Variants in FAM171B observed in about 807,000 individuals in gnomAD.
The protein encoded by FAM171B is family with sequence similarity 171 member B.
A neutral mutation model predicts 75.6 loss-of-function variants in FAM171B; 19 were observed. The observed-to-expected ratio is 0.25, with a 90% confidence interval of 0.18 to 0.37. FAM171B has a LOEUF of 0.37. Ranked by LOEUF, FAM171B falls within the 10% of genes least tolerant of loss-of-function variation. The pLI is 1.00. For missense variants in FAM171B, 848 were observed against 982.4 expected (o/e 0.86, Z 1.83); for synonymous variants, 367 against 361.7 (o/e 1.01, Z -0.17).
At chr2:186,735,823 G>A (rs1167545231) in intron 1 of FAM171B, among the ~76,000 whole-genome samples, 4 of 152,024 alleles carry the variant, frequency 2.6e-5, no homozygotes, top group Non-Finnish European at 4.4e-5. Flanking sequence ...ACTATTAATG[G>A]GCTGAATTTA....
At chr2:186,720,722 G>GAAAAC (rs1229097416) in intron 1 of FAM171B, among the ~76,000 whole-genome samples, 6 of 128,938 alleles carry the variant, frequency 4.7e-5, no homozygotes, top group African/African-American at 1.7e-4. Flanking sequence ...AAAAAGAAAA[G>GAAAAC]AAAACAAAAC....
At chr2:186,725,647 G>A (rs1032362687) in intron 1 of FAM171B, among the ~76,000 whole-genome samples, 5 of 152,172 alleles carry the variant, frequency 3.3e-5, no homozygotes, top group African/African-American at 1.2e-4. Context: ...TGAGTTAGGT[G>A]CTCAGTACTT....
intron 1 of FAM171B, among the ~76,000 whole-genome samples, chr2:186,736,787 C>T (rs768733939): frequency 2.2e-4 from 33 of 150,468 alleles, no homozygotes; most frequent in Middle Eastern, 7.1e-3. Context: ...TAACAAAGAA[C>T]GGACAAGGTA....
At chr2:186,748,214 C>A (rs1460379003) in intron 4 of FAM171B, among the ~76,000 whole-genome samples, 2 of 152,100 alleles carry the variant, frequency 1.3e-5, no homozygotes, top group East Asian at 3.8e-4. Context: ...TGAGCCACCT[C>A]GCCAGGCCTG....
rs751074925 is a variant in FAM171B, at chr2:186,751,135, T to C, written c.726T>C (p.Gly242=). ...TTAATAAACTGTCTTCTTTTATAGG[T>C]TTTGAAAACATTGAATTGACTCCTC... The part of the protein sequence containing the change: ...HTTGITLNKP[G]FENIELTPLA... The change falls in exon 5 of 8, where the codon GGT becomes GGC. Residue 242 remains glycine (G), a splice_region_variant and synonymous_variant. Coordinates refer to ENST00000304698, the MANE Select transcript of FAM171B (RefSeq NM_177454.4). 1.6e-5 allele frequency: 26 copies of C among 1,596,806 alleles called. No homozygotes were observed. Among genetic ancestry groups the C allele is most frequent in the East Asian group, 1.6e-4 (7 of 44,658 alleles).
intron 4 of FAM171B, among the ~76,000 whole-genome samples, chr2:186,748,116 G>T (rs527496786): frequency 1.3e-5 from 2 of 151,930 alleles, no homozygotes; most frequent in Non-Finnish European, 2.9e-5. Flanking sequence ...TAGGGATGGG[G>T]TTTCGCCATG....
At chr2:186,719,806 AT>A (rs1248445925) in intron 1 of FAM171B, among the ~76,000 whole-genome samples, 1 of 152,186 alleles carries the variant, frequency 6.6e-6, no homozygotes, top group African/African-American at 2.4e-5. Context: ...TTGACCTATT[AT>A]TTCTCCTCCC....
chr2:186,740,451 A>C lies in FAM171B; in HGVS notation c.462A>C (p.Arg154Ser), dbSNP rs955767202. ...TGACCCCTCTGCCTTGGAAAACCAGAAGAATGCCAAGTAAGCACTTAAACA... is the reference window on the plus strand; with the variant it reads ...TGACCCCTCTGCCTTGGAAAACCAGCAGAATGCCAAGTAAGCACTTAAACA... ...YVLTPLPWKT[R>S]RMPIYSSVTL... Residue 154 changes from arginine to serine, a missense_variant, in exon 2 of 8, where the codon AGA (arginine) becomes AGC (serine). Arg to Ser is a moderately radical substitution (Grantham distance 110). Coordinates refer to ENST00000304698, the MANE Select transcript of FAM171B (RefSeq NM_177454.4). 6.2e-7 allele frequency: 1 copy of C among 1,608,892 alleles called. No individual in the cohort carries two copies. The highest frequency in any genetic ancestry group is 1.3e-5 in the African/African-American group (1 of 74,788).
chr2:186,761,405 T>G (rs1690613231), intron 7 of FAM171B, 74 bp from the exon 8 acceptor site: 1 of 1,492,772 alleles, frequency 6.7e-7, no homozygotes, highest in Non-Finnish European at 8.9e-7. Context: ...ATATGTAGAT[T>G]GGGAGTGATT....
At chr2:186,697,005 C>CGGATGGATGGAT (rs1209065137) in intron 1 of FAM171B, among the ~76,000 whole-genome samples, 88 of 70,746 alleles carry the variant, frequency 1.2e-3, no homozygotes, top group African/African-American at 5.9e-3. Flanking sequence ...AATGGATGGA[C>CGGATGGATGGAT]GGATGGATGG....
At chr2:186,752,304 A>G (rs1053691633) in intron 5 of FAM171B, among the ~76,000 whole-genome samples, 9 of 152,200 alleles carry the variant, frequency 5.9e-5, no homozygotes, top group African/African-American at 1.7e-4. Context: ...ATAGGGCGCA[A>G]TAGATCCTCA....
rs762407449 is a variant in FAM171B, at chr2:186,751,256, A to G, written c.847A>G (p.Ile283Val). Residue 283 changes from isoleucine to valine, a missense_variant, in exon 5 of 8, where the codon ATA becomes GTA. Coordinates refer to ENST00000304698, the MANE Select transcript of FAM171B (RefSeq NM_177454.4). The stretch of plus-strand genomic sequence containing the variant: ...TCTTCCTCTTCTACGTCTGAATGAT[A>G]TAAGTGCAGGGGATCGCATACCTGC... The part of the protein sequence containing the change: ...VSLPLLRLND[I>V]SAGDRIPAWT... 8.1e-6 allele frequency: 13 copies of G among 1,610,242 alleles called. No homozygotes were observed. Among genetic ancestry groups the G allele is most frequent in the African/African-American group, 6.7e-5 (5 of 74,892 alleles).
intron 1 of FAM171B, among the ~76,000 whole-genome samples, chr2:186,737,823 T>C (rs1690226150): frequency 6.6e-6 from 1 of 152,270 alleles, no homozygotes; most frequent in Non-Finnish European, 1.5e-5. Context: ...TGGAATGTGT[T>C]AAATCTATGT....
At chr2:186,726,429 T>G (rs1479165301) in intron 1 of FAM171B, among the ~76,000 whole-genome samples, 1 of 152,170 alleles carries the variant, frequency 6.6e-6, no homozygotes, top group African/African-American at 2.4e-5. Context: ...GTGTCCATAT[T>G]TGAAATGCTG....
At chr2:186,743,378 C>T in intron 2 of FAM171B, 105 bp from the exon 3 acceptor site, 1 of 671,692 alleles carries the variant, frequency 1.5e-6, no homozygotes, top group South Asian at 2.1e-5. Flanking sequence ...CATTTGTTCC[C>T]CCCCACAACA....
At chr2:186,736,568 GAGAGA>G (rs1559088272) in intron 1 of FAM171B, among the ~76,000 whole-genome samples, 4 of 79,986 alleles carry the variant, frequency 5.0e-5, no homozygotes, top group South Asian at 3.7e-4. Context: ...GTGTGTGTGG[GAGAGA>G]GAGAGAGAGA....
chr2:186,737,927 G>C (rs549403228), intron 1 of FAM171B, among the ~76,000 whole-genome samples: 1 of 152,348 alleles, frequency 6.6e-6, no homozygotes, highest in Admixed American at 6.5e-5. Context: ...AGCCCAGCAG[G>C]CTGTGCTCGG....
chr2:186,707,484 A>G (rs1689748039), intron 1 of FAM171B, among the ~76,000 whole-genome samples: 1 of 152,168 alleles, frequency 6.6e-6, no homozygotes, highest in Non-Finnish European at 1.5e-5. Flanking sequence ...CAAATTTCCT[A>G]TTGAAGCCTT....
intron 1 of FAM171B, among the ~76,000 whole-genome samples, chr2:186,699,639 T>C (rs1197851878): frequency 6.6e-6 from 1 of 152,232 alleles, no homozygotes; most frequent in African/African-American, 2.4e-5. Flanking sequence ...TGATCCCATT[T>C]AACCATTTTT....
Sources: gnomAD v4.1 joint callset for allele counts (sites outside exome capture counted in the v4.1 genomes callset) on GRCh38, gnomAD v4.1.1 for gene constraint, MANE v1.5 for transcripts, NCBI Gene and HGNC (gene_info 2026-07-23, HGNC 2026-07-21) for gene names.